AXDND1: variants seen among roughly 807,000 people sequenced by gnomAD.
AXDND1 encodes the protein axonemal dynein light chain domain-containing protein 1.
Under a neutral mutation model 137.5 loss-of-function variants are expected in AXDND1, and 110 were observed. The observed-to-expected ratio is 0.80, with a 90% confidence interval of 0.69 to 0.94. The LOEUF (loss-of-function observed/expected upper bound fraction) is 0.94, where lower values mean the gene tolerates loss of function less well. Ranked by LOEUF, AXDND1 falls within the 40% of genes least tolerant of loss-of-function variation. The pLI, the probability that AXDND1 is intolerant of heterozygous loss-of-function variation, is 0.00. For missense variants in AXDND1, 1,191 were observed against 1,169.8 expected (o/e 1.02, Z -0.26); for synonymous variants, 414 against 399.7 (o/e 1.04, Z -0.43).
intron 17 of AXDND1, among the ~76,000 whole-genome samples, chr1:179,479,793 A>C (rs1665131042): frequency 1.3e-5 from 2 of 152,070 alleles, no homozygotes; most frequent in African/African-American, 4.8e-5. Context: ...GAAAGAAAGA[A>C]AGAAAGAAAT....
At chr1:179,480,349 T>A (rs1376156884) in intron 17 of AXDND1, among the ~76,000 whole-genome samples, 1 of 152,152 alleles carries the variant, frequency 6.6e-6, no homozygotes, top group Non-Finnish European at 1.5e-5. Flanking sequence ...GAGAGCCAAG[T>A]GAAAGGGGTT....
intron 15 of AXDND1, among the ~76,000 whole-genome samples, chr1:179,443,724 G>A (rs940052054): frequency 6.6e-6 from 1 of 152,150 alleles, no homozygotes; most frequent in Admixed American, 6.5e-5. Context: ...TGCAGCAAGT[G>A]TCAGAATTTT....
intron 25 of AXDND1, among the ~76,000 whole-genome samples, chr1:179,540,114 A>T (rs1033820583): frequency 1.3e-5 from 2 of 151,928 alleles, no homozygotes; most frequent in African/African-American, 4.8e-5. Flanking sequence ...CAAGGTTTTT[A>T]GCTTCCTTGA....
chr1:179,433,357 A>G (rs981848201), intron 15 of AXDND1, among the ~76,000 whole-genome samples: 1 of 151,902 alleles, frequency 6.6e-6, no homozygotes, highest in Admixed American at 6.6e-5. Flanking sequence ...TCACATCTCT[A>G]TTTCCCTCAG....
intron 15 of AXDND1, among the ~76,000 whole-genome samples, chr1:179,433,264 T>C (rs997582236): frequency 1.3e-5 from 2 of 152,178 alleles, no homozygotes; most frequent in East Asian, 1.9e-4. Context: ...TTCTCTCTTC[T>C]TTATTAGTCT....
chr1:179,388,745 G>A (rs1649616111), intron 9 of AXDND1, among the ~76,000 whole-genome samples: 2 of 143,220 alleles, frequency 1.4e-5, no homozygotes, highest in African/African-American at 5.3e-5. Flanking sequence ...ACACCACCAT[G>A]CCTGGCTATT....
chr1:179,430,382 G>C (rs1393438793), intron 13 of AXDND1, 70 bp from the exon 14 acceptor site: 1 of 1,176,248 alleles, frequency 8.5e-7, no homozygotes, highest in Non-Finnish European at 1.2e-6. Flanking sequence ...ATAATGGCCT[G>C]GTATATGTTA....
Position 179,528,389 on chromosome 1 carries a change from T to C in AXDND1, c.2673T>C (p.Val891=). 6.2e-7 allele frequency: 1 copy of C among 1,613,994 alleles called. No homozygotes were observed. Residue 891 remains valine, a synonymous_variant, in exon 23 of 26, where the codon GTT becomes GTC. Transcript: ENST00000367618. ...LIRFIGEDEN[V]HSKPLFETDV... ...GATTCATTGGAGAAGATGAAAATGT[T>C]CATTCCAAACCTCTATTTGAAACAG...
intron 15 of AXDND1, among the ~76,000 whole-genome samples, chr1:179,437,159 AG>A (rs1658289790): frequency 6.6e-6 from 1 of 151,898 alleles, no homozygotes; most frequent in Non-Finnish European, 1.5e-5. Flanking sequence ...GACTGAACAA[AG>A]GGGGGCAAAT....
intron 11 of AXDND1, among the ~76,000 whole-genome samples, chr1:179,396,513 T>G (rs972122304): frequency 4.0e-5 from 6 of 151,470 alleles, no homozygotes. Flanking sequence ...GCTGACATGG[T>G]GGCACGTACC....
chr1:179,551,381 G>A, intron 25 of AXDND1: 2 of 1,614,084 alleles, frequency 1.2e-6, no homozygotes, highest in Non-Finnish European at 1.7e-6. Context: ...GGCAGCAGGG[G>A]TGCCTGACAG....
chr1:179,381,598 C>T (rs1349872349), intron 6 of AXDND1, among the ~76,000 whole-genome samples: 2 of 151,884 alleles, frequency 1.3e-5, no homozygotes, highest in Admixed American at 6.6e-5. Flanking sequence ...CCCACCTCGG[C>T]CTCCCAAAGT....
chr1:179,477,227 A>G (rs1664746714), intron 17 of AXDND1, among the ~76,000 whole-genome samples: 1 of 151,386 alleles, frequency 6.6e-6, no homozygotes, highest in South Asian at 2.1e-4. Context: ...CTATTCTCTT[A>G]TTTGCTGCAA....
intron 12 of AXDND1, among the ~76,000 whole-genome samples, chr1:179,417,316 T>G (rs904033046): frequency 6.6e-6 from 1 of 152,132 alleles, no homozygotes; most frequent in African/African-American, 2.4e-5. Context: ...CTTTGTTGAT[T>G]GTTTCCTTTA....
intron 25 of AXDND1, among the ~76,000 whole-genome samples, chr1:179,539,610 G>T (rs1336459415): frequency 6.6e-6 from 1 of 152,022 alleles, no homozygotes; most frequent in Non-Finnish European, 1.5e-5. Context: ...TTTCTCTCTG[G>T]CTGCCCTTAA....
At chr1:179,492,735 A>G in intron 19 of AXDND1, 120 bp from the exon 20 acceptor site, 1 of 610,288 alleles carries the variant, frequency 1.6e-6, no homozygotes, top group Admixed American at 3.6e-5. Context: ...ATTATGGTGA[A>G]CTTCCACTTT....
At chr1:179,525,168 T>G (rs947058745) in intron 21 of AXDND1, among the ~76,000 whole-genome samples, 166 bp from the exon 22 acceptor site, 4 of 152,248 alleles carry the variant, frequency 2.6e-5, no homozygotes, top group Non-Finnish European at 5.9e-5. Flanking sequence ...TTCTTGTCCG[T>G]GAAATTAATA....
intron 11 of AXDND1, among the ~76,000 whole-genome samples, chr1:179,405,669 G>A (rs1652848119): frequency 6.6e-6 from 1 of 151,900 alleles, no homozygotes; most frequent in Non-Finnish European, 1.5e-5. Context: ...TTAGTGGATT[G>A]TTGTTCATGA....
intron 1 of AXDND1, 106 bp from the exon 2 acceptor site, chr1:179,366,295 CGAA>C (rs748605481): frequency 7.0e-6 from 3 of 427,116 alleles, no homozygotes; most frequent in East Asian, 4.4e-5. Flanking sequence ...GAGGTCGCCC[CGAA>C]GAAGGAGAAC....
Sources: allele counts gnomAD v4.1 joint callset (sites outside exome capture counted in the v4.1 genomes callset), GRCh38; gene constraint gnomAD v4.1.1; transcripts MANE v1.5; gene names NCBI Gene and HGNC (gene_info 2026-07-23, HGNC 2026-07-21).